Variants in ANOS1 observed in about 807,000 individuals in gnomAD.
ANOS1 encodes anosmin-1.
In ANOS1, 6 loss-of-function variants were observed where a neutral mutation model predicts 59.0. The observed-to-expected ratio is 0.10, with a 90% CI of 0.06 to 0.20. ANOS1 has a LOEUF of 0.20. Ranked by LOEUF, ANOS1 falls within the 10% of genes least tolerant of loss-of-function variation. The pLI is 1.00. For synonymous variants in ANOS1, 217 were observed against 223.4 expected, an observed-to-expected ratio of 0.97 and a Z score of 0.25; for missense variants, 433 against 542.3, an observed-to-expected ratio of 0.80 and a Z score of 2.00.
At position 8,535,616 on chromosome X, in the gene ANOS1, A is replaced by G; in HGVS notation, c.1817T>C (p.Ile606Thr). 8.3e-7 allele frequency: 1 copy of G among 1,209,746 alleles called. No individual in the cohort carries two copies. Among genetic ancestry groups the G allele is most frequent in the Non-Finnish European group, 1.1e-6 (1 of 893,406 alleles). ...GGAAGGCAGGATCTGGGACTGTGAA[A>G]TAATGCTGTTGGGTAGGCTGTTCTG... ...SRQNSLPNSIISQSQILPSDH... is the reference protein window; with the variant it reads ...SRQNSLPNSITSQSQILPSDH... The change falls in exon 12 of 14, where the codon ATT (isoleucine) becomes ACT (threonine). Residue 606 changes from isoleucine (I) to threonine (T), a missense_variant. By Grantham distance (89) the Ile-to-Thr change is moderately conservative (BLOSUM62 -1). Transcript: ENST00000262648.
chrX:8,725,885 A>T (rs1239924340), intron 1 of ANOS1, among the ~76,000 whole-genome samples: 1 of 109,583 alleles, frequency 9.1e-6, no homozygotes, highest in African/African-American at 3.3e-5. Flanking sequence ...GAGAAATACC[A>T]TATTAAAAAC....
intron 2 of ANOS1, among the ~76,000 whole-genome samples, chrX:8,664,478 C>T (rs1932100117): frequency 9.0e-6 from 1 of 110,564 alleles, no homozygotes; most frequent in South Asian, 3.9e-4. Context: ...CAGGTGTGAG[C>T]CACCGCCCCC....
At chrX:8,610,775 A>G (rs181816001) in intron 3 of ANOS1, among the ~76,000 whole-genome samples, 3 of 111,496 alleles carry the variant, frequency 2.7e-5, no homozygotes, top group Non-Finnish European at 3.8e-5. Flanking sequence ...AAAGGCTACT[A>G]CTCTGAACCC....
At chrX:8,604,731 A>T (rs1472293769) in intron 3 of ANOS1, among the ~76,000 whole-genome samples, 1 of 112,161 alleles carries the variant, frequency 8.9e-6, no homozygotes, top group Non-Finnish European at 1.9e-5. Flanking sequence ...TCTGATTCTG[A>T]TACATCCGTC....
chrX:8,651,205 C>T (rs1229636786), intron 2 of ANOS1, among the ~76,000 whole-genome samples: 3 of 112,233 alleles, frequency 2.7e-5, no homozygotes, highest in Non-Finnish European at 5.6e-5. Flanking sequence ...TCAGAGATGG[C>T]TCCACTGTGG....
At chrX:8,559,104 C>G (rs765447693) in intron 8 of ANOS1, among the ~76,000 whole-genome samples, 82 of 111,806 alleles carry the variant, frequency 7.3e-4, no homozygotes, top group Non-Finnish European at 1.3e-3. Context: ...CAAATCTGCT[C>G]TAATGATGGT....
At position 8,610,201 on chromosome X, in the gene ANOS1, A is replaced by G. The variant is rs375379995; in HGVS notation, c.319-12945T>C. Among the ~76,000 whole-genome samples, 252 of 110,218 alleles carry G rather than the reference A, an allele frequency of 2.3e-3. 1 individual carries two copies. The highest frequency in any genetic ancestry group is 7.5e-3 in the African/African-American group (229 of 30,355). ...AAGCTTGATGGAGCTTATGTTGGGA[A>G]ACAAAGCTTATATGTTTTATTTTTG... On this transcript the variant is annotated intron_variant, in intron 3 of 13. Transcript: ENST00000262648.
rs765052212 is a variant in ANOS1 at position 8,724,319 on chromosome X, G to C, written c.207+7511C>G. ...TCCTAGAAGCAGAGGTTGAAATGGGGTTTCTCGGACATGAGGTAATATTGG... is the reference window on the plus strand; with the variant it reads ...TCCTAGAAGCAGAGGTTGAAATGGGCTTTCTCGGACATGAGGTAATATTGG... On this transcript the variant is annotated intron_variant, in intron 1 of 13. Coordinates refer to ENST00000262648, the MANE Select transcript of ANOS1 (RefSeq NM_000216.4). 5.8e-3 allele frequency among the ~76,000 whole-genome samples: 652 copies of C among 111,965 alleles called. 3 individuals are homozygous for C. Among genetic ancestry groups the C allele is most frequent in the Non-Finnish European group, 0.01 (554 of 53,222 alleles).
chrX:8,544,752 C>G (rs1929739556), intron 9 of ANOS1, among the ~76,000 whole-genome samples: 1 of 109,833 alleles, frequency 9.1e-6, no homozygotes. Context: ...CGCATCTCTA[C>G]AAAAAATATA....
chrX:8,700,585 T>C (rs1225445124), intron 1 of ANOS1, among the ~76,000 whole-genome samples: 1 of 112,237 alleles, frequency 8.9e-6, no homozygotes, highest in Non-Finnish European at 1.9e-5. Context: ...ACAAAACATA[T>C]GATTACAGAC....
rs188203041 is a variant in ANOS1 at position 8,601,539 on chromosome X, T to G, written c.319-4283A>C. Reference sequence around the variant, plus strand: ...AGTAACCTAGAACAGTTATGAAGCATGTGTTCCCAATGACTATAAAAGGGG... The same window carrying G: ...AGTAACCTAGAACAGTTATGAAGCAGGTGTTCCCAATGACTATAAAAGGGG... On this transcript the variant is annotated intron_variant, in intron 3 of 13. Transcript: ENST00000262648. Among the ~76,000 whole-genome samples, 7 of 112,186 alleles carry G rather than the reference T, an allele frequency of 6.2e-5. No homozygotes were observed. In the East Asian group the frequency reaches 8.5e-4, roughly 14 times the overall value.
chrX:8,678,832 C>T (rs927593280), intron 2 of ANOS1, among the ~76,000 whole-genome samples: 1 of 111,950 alleles, frequency 8.9e-6, no homozygotes, highest in Non-Finnish European at 1.9e-5. Flanking sequence ...AAGGAGTTCA[C>T]GTGAGCCCCA....
intron 2 of ANOS1, among the ~76,000 whole-genome samples, chrX:8,672,165 T>C (rs375319271): frequency 6.1e-3 from 620 of 102,434 alleles, no homozygotes; most frequent in African/African-American, 0.021. Context: ...CACATGCACA[T>C]ACACACACAC....
chrX:8,687,590 G>A (rs1932542584), intron 2 of ANOS1, among the ~76,000 whole-genome samples: 1 of 82,342 alleles, frequency 1.2e-5, no homozygotes, highest in Non-Finnish European at 2.3e-5. Context: ...GTGTAATCCA[G>A]TAAACACACA....
chrX:8,573,935 C>T (rs1186662844), intron 6 of ANOS1, among the ~76,000 whole-genome samples: 1 of 111,872 alleles, frequency 8.9e-6, no homozygotes, highest in African/African-American at 3.3e-5. Context: ...GGCCAAGTGC[C>T]AAGGGCTCTC....
intron 4 of ANOS1, among the ~76,000 whole-genome samples, chrX:8,595,883 C>T (rs957883210): frequency 1.8e-5 from 2 of 111,121 alleles, no homozygotes; most frequent in Non-Finnish European, 3.8e-5. Context: ...TACAGCCACT[C>T]CTCATCACTC....
intron 2 of ANOS1, among the ~76,000 whole-genome samples, chrX:8,664,800 A>G (rs1432891546): frequency 1.8e-5 from 2 of 111,687 alleles, no homozygotes; most frequent in African/African-American, 3.3e-5. Flanking sequence ...AAGAAAGAAG[A>G]GCAGCCACGG....
At position 8,715,842 on chromosome X, in the gene ANOS1, C is replaced by T. The variant is rs780436794; in HGVS notation, c.207+15988G>A. 4.1e-4 allele frequency among the ~76,000 whole-genome samples: 45 copies of T among 110,104 alleles called. No homozygotes were observed. In the South Asian group the frequency reaches 0.017, roughly 42 times the overall value. On this transcript the variant is annotated intron_variant, in intron 1 of 13. Coordinates refer to ENST00000262648, the MANE Select transcript of ANOS1 (RefSeq NM_000216.4). ...CTAGAACTCCTAGGCTGTGATCGTC[C>T]CTCCTCAGTCTCTCAAGCGGCTGGG... is the stretch of plus-strand genomic sequence containing the variant.
In ANOS1 at chrX:8,729,254, G is replaced by A. The variant is rs191188631; in HGVS notation, c.207+2576C>T. On this transcript the variant is annotated intron_variant, in intron 1 of 13. Coordinates refer to ENST00000262648, the MANE Select transcript of ANOS1 (RefSeq NM_000216.4). Reference sequence around the variant, plus strand: ...CAAGAGAAGATGGAAACAGGCACCTGCTCCAGAGACAGCTTTATGGGTGGG... The same window carrying A: ...CAAGAGAAGATGGAAACAGGCACCTACTCCAGAGACAGCTTTATGGGTGGG... Among the ~76,000 whole-genome samples, 24 of 110,537 alleles carry A rather than the reference G, an allele frequency of 2.2e-4. No individual in the cohort carries two copies. The South Asian group carries it at 3.9e-3, about 18-fold the overall frequency.
Sources: gnomAD v4.1 joint callset for allele counts (sites outside exome capture counted in the v4.1 genomes callset) on GRCh38, gnomAD v4.1.1 for gene constraint, MANE v1.5 for transcripts, NCBI Gene and HGNC (gene_info 2026-07-23, HGNC 2026-07-21) for gene names.